Variants in NHSL1 observed in about 807,000 individuals in gnomAD.
The protein encoded by NHSL1 is NHS-like protein 1.
In NHSL1, 48 loss-of-function variants were observed where a neutral mutation model predicts 95.0. The ratio of observed to expected loss-of-function variants is 0.51; its 90% CI spans 0.40 to 0.64. NHSL1 has a LOEUF of 0.64. Among genes scored for constraint, NHSL1 ranks in the 30% least tolerant of loss-of-function variants. The pLI, the probability that NHSL1 is intolerant of heterozygous loss-of-function variation, is 0.00. For missense variants in NHSL1, 1,971 were observed against 2,077.7 expected (o/e 0.95, Z 1.00); for synonymous variants, 783 against 833.9 (o/e 0.94, Z 1.05).
chr6:138,548,192 G>A (rs1349061961), upstream of NHSL1, among the ~76,000 whole-genome samples: 1 of 152,010 alleles, frequency 6.6e-6, no homozygotes, highest in African/African-American at 2.4e-5. Flanking sequence ...CACCATCTTG[G>A]CCAGGCTGGT....
intron 1 of NHSL1, among the ~76,000 whole-genome samples, chr6:138,542,914 T>C (rs1562360202): frequency 2.0e-5 from 3 of 152,120 alleles, no homozygotes; most frequent in African/African-American, 7.2e-5. Context: ...CAGTTCCATA[T>C]CACCACATCT....
chr6:138,422,513 G>A lies in NHSL1; in HGVS notation c.*1568C>T, dbSNP rs779126251. Reference sequence around the variant, plus strand: ...TTCCATACCCCCCAAAAGCTGGCAGGTGGTAGTCGCACTAGATTCAGACCA... The same window carrying A: ...TTCCATACCCCCCAAAAGCTGGCAGATGGTAGTCGCACTAGATTCAGACCA... On this transcript the variant is annotated 3_prime_UTR_variant, in exon 8 of 8. Coordinates refer to ENST00000343505, the MANE Select transcript of NHSL1 (RefSeq NM_001144060.2). The A allele has an allele frequency of 7.9e-5, 12 of 152,144 alleles. No individual in the cohort carries two copies. Among genetic ancestry groups the A allele is most frequent in the Non-Finnish European group, 1.8e-4 (12 of 68,046 alleles). 9.4% of individuals were successfully genotyped at this position (152,144 alleles called of 1,614,324 possible).
At chr6:138,503,459 C>A (rs9495095), upstream of NHSL1, among the ~76,000 whole-genome samples, 30,908 of 152,122 alleles carry the variant, frequency 0.2, 6,477 homozygotes, top group African/African-American at 0.51. Flanking sequence ...AAGAAGAAGA[C>A]TATTTCATAA....
At position 138,424,587 on chromosome 6, in the gene NHSL1, C is replaced by A; in HGVS notation, c.4315G>T (p.Ala1439Ser). Reference sequence around the variant, plus strand: ...GGGTCTGTGTTCTTGAGCATCTCTGCTGCAGACATGCGGGCGCTGGTGTCT... The same window carrying A: ...GGGTCTGTGTTCTTGAGCATCTCTGATGCAGACATGCGGGCGCTGGTGTCT... ...RSDTSARMSA[A>S]EMLKNTDPRF... Residue 1439 changes from alanine to serine, a missense_variant, in exon 8 of 8, where the codon GCA becomes TCA. Physicochemically the swap from Ala to Ser is moderately conservative, Grantham distance 99. Around this residue, in one of 3 missense-constraint regions of NHSL1, gnomAD observed 146 missense variants for 206.3 expected, o/e 0.71. Coordinates refer to ENST00000343505, the MANE Select transcript of NHSL1 (RefSeq NM_001144060.2). This position sits in a 1 kb window ranked among gnomAD's most constrained non-coding sequence, Gnocchi z 5.9. 4 of 1,551,688 alleles carry A rather than the reference C, an allele frequency of 2.6e-6. No homozygotes were observed. The highest frequency in any genetic ancestry group is 3.5e-6 in the Non-Finnish European group (4 of 1,146,994).
chr6:138,670,659 C>CCG (rs1424167505), intron 1 of NHSL1, among the ~76,000 whole-genome samples: 5 of 130,708 alleles, frequency 3.8e-5, no homozygotes, highest in African/African-American at 1.2e-4. Context: ...AAGCGAGACT[C>CCG]CGTCTCAAAA....
intron 1 of NHSL1, among the ~76,000 whole-genome samples, chr6:138,592,570 C>A (rs1346990709): frequency 6.6e-6 from 1 of 152,022 alleles, no homozygotes; most frequent in East Asian, 1.9e-4. Context: ...CCACTGCACT[C>A]CAGCTTGGGC....
chr6:138,494,161 CA>C (rs1780221450), intron 2 of NHSL1, among the ~76,000 whole-genome samples: 1 of 152,204 alleles, frequency 6.6e-6, no homozygotes, highest in Non-Finnish European at 1.5e-5. Flanking sequence ...TTTCTCTCTC[CA>C]AGCAGAAGTT....
At chr6:138,436,981 T>C (rs909103120) in intron 5 of NHSL1, among the ~76,000 whole-genome samples, 2 of 152,032 alleles carry the variant, frequency 1.3e-5, no homozygotes, top group African/African-American at 4.8e-5. Context: ...TCATTTACAG[T>C]GCACCTAGGC....
chr6:138,558,268 ACCC>A (rs1783272601), intron 1 of NHSL1, among the ~76,000 whole-genome samples: 2 of 147,956 alleles, frequency 1.4e-5, no homozygotes, highest in African/African-American at 5.0e-5. Flanking sequence ...GACTACAGGC[ACCC>A]ACCACCACGC....
At chr6:138,541,362 G>C (rs1782574726) in intron 1 of NHSL1, among the ~76,000 whole-genome samples, 1 of 152,038 alleles carries the variant, frequency 6.6e-6, no homozygotes, top group South Asian at 2.1e-4. Flanking sequence ...GCGAGACTCT[G>C]TCTCAAAAAA....
intron 1 of NHSL1, among the ~76,000 whole-genome samples, chr6:138,615,826 G>A (rs770395483): frequency 4.6e-5 from 7 of 152,186 alleles, no homozygotes; most frequent in East Asian, 1.9e-4. Context: ...AAATCCAAAC[G>A]GATACCAACT....
intron 1 of NHSL1, among the ~76,000 whole-genome samples, chr6:138,537,808 G>T (rs1782419371): frequency 6.6e-6 from 1 of 152,076 alleles, no homozygotes; most frequent in Non-Finnish European, 1.5e-5. Context: ...GTCAATCTTG[G>T]AGAAAGAACC....
At chr6:138,632,530 C>A (rs539995240) in intron 1 of NHSL1, among the ~76,000 whole-genome samples, 1 of 152,296 alleles carries the variant, frequency 6.6e-6, no homozygotes, top group South Asian at 2.1e-4. Context: ...GAAAGAGGAA[C>A]CTTTTTTGGG....
rs370443406 is a variant in NHSL1 at position 138,433,070 on chromosome 6, G to A, written c.1275C>T (p.Ile425=). 93 of 1,551,160 alleles carry A rather than the reference G, an allele frequency of 6.0e-5. No individual in the cohort carries two copies. The highest frequency in any genetic ancestry group is 5.9e-4 in the Admixed American group (30 of 51,012). Residue 425 remains isoleucine, a synonymous_variant, in exon 6 of 8, where the codon ATC becomes ATT. Transcript: ENST00000343505. The part of the protein sequence containing the change: ...NATLSSSSEV[I]AIPTAQSAGQ... Reference sequence around the variant, plus strand: ...CCGCACTCTGAGCAGTGGGAATAGCGATGACCTCGGAAGAGGAAGACAGTG... The same window carrying A: ...CCGCACTCTGAGCAGTGGGAATAGCAATGACCTCGGAAGAGGAAGACAGTG...
At chr6:138,571,820 AAGG>A in exon 1 of NHSL1, 1 of 1,552,100 alleles carries the variant, frequency 6.4e-7, no homozygotes, top group African/African-American at 1.4e-5. Flanking sequence ...CTGCCTGGAC[AAGG>A]AGGAGAAATT....
chr6:138,583,467 A>C lies in NHSL1; in HGVS notation c.97-87096T>G, dbSNP rs568918343. Reference sequence around the variant, plus strand: ...CATTCCTGACCTCAGGGATTGGGCTATGTGAGGTACCCCTGCTATGTGTTC... The same window carrying C: ...CATTCCTGACCTCAGGGATTGGGCTCTGTGAGGTACCCCTGCTATGTGTTC... On this transcript the variant is annotated intron_variant, in intron 1 of 3. Transcript: ENST00000491526. 5.3e-5 allele frequency among the ~76,000 whole-genome samples: 8 copies of C among 152,304 alleles called. No homozygotes were observed. In the South Asian group the frequency reaches 1.7e-3, roughly 32 times the overall value.
intron 1 of NHSL1, among the ~76,000 whole-genome samples, chr6:138,683,720 C>T (rs886198339): frequency 2.0e-5 from 3 of 152,330 alleles, no homozygotes; most frequent in East Asian, 3.9e-4. Context: ...CTGGAGACAG[C>T]CCTGGCCTGG....
At chr6:138,505,037 G>A (rs1055037319) in intron 1 of NHSL1, among the ~76,000 whole-genome samples, 4 of 152,006 alleles carry the variant, frequency 2.6e-5, no homozygotes, top group Non-Finnish European at 4.4e-5. Context: ...TTTTATGAAG[G>A]CCAAAGATTA....
chr6:138,441,891 T>G, intron 5 of NHSL1, 92 bp downstream of exon 5: 1 of 1,223,504 alleles, frequency 8.2e-7, no homozygotes, highest in Non-Finnish European at 1.1e-6. Context: ...GCTATCAGAA[T>G]GTATCGATTT....
Sources: allele counts gnomAD v4.1 joint callset (sites outside exome capture counted in the v4.1 genomes callset), GRCh38; gene constraint gnomAD v4.1.1; regional missense constraint gnomAD v4.1.1; non-coding constraint Gnocchi (gnomAD v3.1); transcripts MANE v1.5; gene names NCBI Gene and HGNC (gene_info 2026-07-23, HGNC 2026-07-21).